ALK: variants seen among roughly 807,000 people sequenced by gnomAD.
The protein encoded by ALK is ALK receptor tyrosine kinase.
ALK carries 74 observed loss-of-function variants against 163.1 expected under a neutral mutation model. The ratio of observed to expected loss-of-function variants is 0.45; its 90% CI spans 0.38 to 0.55. The LOEUF (loss-of-function observed/expected upper bound fraction) is 0.55, where lower values mean the gene tolerates loss of function less well. Ranked by LOEUF, ALK falls within the 20% of genes least tolerant of loss-of-function variation. The probability of loss-of-function intolerance (pLI) is 0.00; values close to 1 mark genes in which losing one functional copy is unlikely to be tolerated. For synonymous variants in ALK, 960 were observed against 843.2 expected, an observed-to-expected ratio of 1.14 and a Z score of -2.40; for missense variants, 2,063 against 2,105.3, an observed-to-expected ratio of 0.98 and a Z score of 0.39.
intron 1 of ALK, among the ~76,000 whole-genome samples, chr2:29,814,356 A>C (rs548413280): frequency 6.6e-6 from 1 of 151,864 alleles, no homozygotes; most frequent in South Asian, 2.1e-4. Context: ...TCTGCTTGGG[A>C]GTTAAGAGTC....
At chr2:29,754,001 C>T (rs1454819693) in intron 1 of ALK, among the ~76,000 whole-genome samples, 4 of 152,126 alleles carry the variant, frequency 2.6e-5, no homozygotes, top group East Asian at 1.9e-4. Flanking sequence ...CCTCTCCCAC[C>T]GACCGCGCAC....
rs1678430212 is a variant in ALK, at chr2:29,692,545, T to TGC, written c.952+2303_952+2304dup. Among the ~76,000 whole-genome samples, 9 of 152,252 alleles carry TGC rather than the reference T, an allele frequency of 5.9e-5. No homozygotes were observed. In the South Asian group the frequency reaches 1.9e-3, roughly 31 times the overall value. On this transcript the variant is annotated intron_variant, in intron 3 of 28. Coordinates refer to ENST00000389048, the MANE Select transcript of ALK (RefSeq NM_004304.5). ...CCCTTGCATGCACAGTCTGTGTGTGTGCACAGTGCACAATACGATTCACGT... is the reference window on the plus strand; with the variant it reads ...CCCTTGCATGCACAGTCTGTGTGTGTGCGCACAGTGCACAATACGATTCACGT...
chr2:29,827,016 G>A (rs112806373), intron 1 of ALK, among the ~76,000 whole-genome samples: 14 of 152,176 alleles, frequency 9.2e-5, no homozygotes, highest in Non-Finnish European at 2.1e-4. Flanking sequence ...CCACATATAT[G>A]AACCCAAATC....
chr2:29,507,581 G>A (rs1364396513), intron 4 of ALK, among the ~76,000 whole-genome samples: 3 of 152,174 alleles, frequency 2.0e-5, no homozygotes, highest in African/African-American at 4.8e-5. Flanking sequence ...AAAACTAAGA[G>A]GCAGAAATGA....
chr2:29,314,787 A>G (rs1394964552), intron 8 of ALK, among the ~76,000 whole-genome samples: 1 of 152,168 alleles, frequency 6.6e-6, no homozygotes, highest in South Asian at 2.1e-4. Flanking sequence ...AGAATTTCAA[A>G]CCACACGGGG....
rs573777019 is a variant in ALK at position 29,708,451 on chromosome 2, C to T, written c.787+9127G>A. ...CTAGTTCTCTAGTCCAGTGAATACC[C>T]TCACCAGAATCCTGTTTTTAAGGTG... On this transcript the variant is annotated intron_variant, in intron 2 of 28. Coordinates refer to ENST00000389048, the MANE Select transcript of ALK (RefSeq NM_004304.5). 2.0e-5 allele frequency among the ~76,000 whole-genome samples: 3 copies of T among 152,270 alleles called. No individual in the cohort carries two copies. In the South Asian group the frequency reaches 6.2e-4, roughly 32 times the overall value.
chr2:29,341,612 A>T (rs543625958), intron 5 of ALK, among the ~76,000 whole-genome samples: 1 of 152,174 alleles, frequency 6.6e-6, no homozygotes, highest in African/African-American at 2.4e-5. Context: ...ACAGAGCAAG[A>T]CTCCATCTCT....
chr2:29,310,698 A>T (rs897733939), intron 8 of ALK, among the ~76,000 whole-genome samples: 4 of 152,170 alleles, frequency 2.6e-5, no homozygotes, highest in Non-Finnish European at 5.9e-5. Flanking sequence ...TTCACCACCT[A>T]ACTGTGGACC....
chr2:29,395,426 C>T (rs1669279342), intron 4 of ALK, among the ~76,000 whole-genome samples: 1 of 152,200 alleles, frequency 6.6e-6, no homozygotes, highest in South Asian at 2.1e-4. Flanking sequence ...GAGGGTCCCC[C>T]ACCCACACCT....
Position 29,617,774 on chromosome 2 carries a change from A to G in ALK, c.952+77076T>C, listed in dbSNP as rs542054123. Among the ~76,000 whole-genome samples the G allele has an allele frequency of 3.7e-4, 57 of 152,300 alleles. No homozygotes were observed. The South Asian group carries it at 0.011, about 30-fold the overall frequency. On this transcript the variant is annotated intron_variant, in intron 3 of 28. Transcript: ENST00000389048. ...AGTGGCCCCATTGTAACAGTCTTGA[A>G]TGAAGTCTTCCTCGCCATTCTAACA... is the stretch of plus-strand genomic sequence containing the variant.
At chr2:29,313,310 A>G (rs1666742322) in intron 8 of ALK, among the ~76,000 whole-genome samples, 1 of 152,196 alleles carries the variant, frequency 6.6e-6, no homozygotes. Flanking sequence ...TGCTAAAGTA[A>G]GTTGGATCAC....
chr2:29,893,124 G>C (rs1667186152), intron 1 of ALK, among the ~76,000 whole-genome samples: 1 of 152,048 alleles, frequency 6.6e-6, no homozygotes, highest in Non-Finnish European at 1.5e-5. Flanking sequence ...ACAGCTTTAG[G>C]GATTCTTCTC....
rs1184198258 is a variant in ALK at position 29,222,453 on chromosome 2, C to T, written c.3451-45G>A. On this transcript the variant is annotated intron_variant, in intron 21 of 28. Transcript: ENST00000389048. ...GTGGGGAGGAGGAGGAGGCTGTGAGCTGAGAACTGCAGCCTACAGAGTCCG... is the reference window on the plus strand; with the variant it reads ...GTGGGGAGGAGGAGGAGGCTGTGAGTTGAGAACTGCAGCCTACAGAGTCCG... 1.9e-6 allele frequency: 3 copies of T among 1,612,858 alleles called. No individual in the cohort carries two copies. The African/African-American group carries it at 4.0e-5, about 22-fold the overall frequency.
chr2:29,385,809 T>C (rs931834843), intron 4 of ALK, among the ~76,000 whole-genome samples: 43 of 152,360 alleles, frequency 2.8e-4, no homozygotes, highest in African/African-American at 1.0e-3. Context: ...TACAGTATCA[T>C]TTTAATGATT....
At chr2:29,864,299 C>T (rs1184678997) in intron 1 of ALK, among the ~76,000 whole-genome samples, 1 of 152,176 alleles carries the variant, frequency 6.6e-6, no homozygotes, top group African/African-American at 2.4e-5. Flanking sequence ...GGTCTTTGCC[C>T]AAACCACTTC....
At chr2:29,653,746 G>C (rs757930725) in intron 3 of ALK, among the ~76,000 whole-genome samples, 1 of 152,076 alleles carries the variant, frequency 6.6e-6, no homozygotes, top group Non-Finnish European at 1.5e-5. Flanking sequence ...GGGAGATAGA[G>C]AAGATGAGAA....
intron 5 of ALK, among the ~76,000 whole-genome samples, chr2:29,371,245 T>G (rs1426760485): frequency 4.6e-5 from 7 of 152,234 alleles, no homozygotes; most frequent in Non-Finnish European, 1.0e-4. Context: ...GCTCTCAGCA[T>G]AACTTGAAGA....
intron 23 of ALK, among the ~76,000 whole-genome samples, chr2:29,218,756 C>T (rs986431815): frequency 6.6e-6 from 1 of 152,250 alleles, no homozygotes; most frequent in Non-Finnish European, 1.5e-5. Flanking sequence ...CAGGGCTGTG[C>T]CTCTTCCCAA....
chr2:29,344,956 C>T (rs1667902145), intron 5 of ALK, among the ~76,000 whole-genome samples: 2 of 152,148 alleles, frequency 1.3e-5, no homozygotes, highest in African/African-American at 4.8e-5. Flanking sequence ...TTAGTATGAG[C>T]TGTGTGAAGT....
Sources: gnomAD v4.1 joint callset for allele counts (sites outside exome capture counted in the v4.1 genomes callset) on GRCh38, gnomAD v4.1.1 for gene constraint, MANE v1.5 for transcripts, NCBI Gene and HGNC (gene_info 2026-07-23, HGNC 2026-07-21) for gene names.